NEO1: variants seen among roughly 807,000 people sequenced by gnomAD.
NEO1 encodes the protein neogenin.
A neutral mutation model predicts 159.7 loss-of-function variants in NEO1; 63 were observed. The observed-to-expected ratio is 0.39, with a 90% CI of 0.32 to 0.49. The LOEUF (loss-of-function observed/expected upper bound fraction) is 0.49, where lower values mean the gene tolerates loss of function less well. Among genes scored for constraint, NEO1 ranks in the 20% least tolerant of loss-of-function variants. NEO1 has a pLI of 0.85. For missense variants in NEO1, 1,615 were observed against 1,831.0 expected, an observed-to-expected ratio of 0.88 and a Z score of 2.15; for synonymous variants, 633 against 662.0, an observed-to-expected ratio of 0.96 and a Z score of 0.67.
intron 1 of NEO1, among the ~76,000 whole-genome samples, chr15:73,102,744 C>A (rs2070472964): frequency 6.6e-6 from 1 of 152,152 alleles, no homozygotes; most frequent in Admixed American, 6.5e-5. Flanking sequence ...TGGTCCCCAG[C>A]TTTCTTCAGA....
intron 1 of NEO1, among the ~76,000 whole-genome samples, chr15:73,094,508 T>C (rs2069887403): frequency 6.6e-6 from 1 of 152,234 alleles, no homozygotes; most frequent in Non-Finnish European, 1.5e-5. Flanking sequence ...TTTTGGCTAT[T>C]ATGAATAATG....
At chr15:73,241,020 T>C (rs1004688561) in intron 8 of NEO1, among the ~76,000 whole-genome samples, 15 of 152,202 alleles carry the variant, frequency 9.9e-5, no homozygotes, top group African/African-American at 3.4e-4. Context: ...TGTATGCCAC[T>C]ACCTGCATTT....
At chr15:73,104,000 A>G (rs2070542596) in intron 1 of NEO1, among the ~76,000 whole-genome samples, 1 of 152,070 alleles carries the variant, frequency 6.6e-6, no homozygotes, top group African/African-American at 2.4e-5. Flanking sequence ...GACTACAGGC[A>G]CATGCCACTG....
chr15:73,286,554 C>T (rs2041957181), intron 23 of NEO1, among the ~76,000 whole-genome samples: 1 of 152,218 alleles, frequency 6.6e-6, no homozygotes, highest in Non-Finnish European at 1.5e-5. Flanking sequence ...TTTTGTATTT[C>T]TGTCTCCAGC....
At position 73,199,991 on chromosome 15, in the gene NEO1, G is replaced by C. The variant is rs2036765699; in HGVS notation, c.1291+21564G>C. Among the ~76,000 whole-genome samples, 5 of 152,258 alleles carry C rather than the reference G, an allele frequency of 3.3e-5. No individual in the cohort carries two copies. The South Asian group carries it at 1.0e-3, about 32-fold the overall frequency. On this transcript the variant is annotated intron_variant, in intron 7 of 28. Transcript: ENST00000261908. ...CACCTCTTAATACTGCTACACTGAG[G>C]ATTAAGTTTCAGCATGAATTTTGGA...
intron 5 of NEO1, among the ~76,000 whole-genome samples, chr15:73,167,128 G>A (rs1185941822): frequency 7.8e-6 from 1 of 128,762 alleles, no homozygotes; most frequent in African/African-American, 2.9e-5. Context: ...CCTGTCATGG[G>A]GTGGGGGGAG....
chr15:73,089,524 T>A (rs2069558901), intron 1 of NEO1, among the ~76,000 whole-genome samples: 1 of 151,814 alleles, frequency 6.6e-6, no homozygotes, highest in Non-Finnish European at 1.5e-5. Context: ...AAATATGCAA[T>A]GCATGGAAAA....
intron 11 of NEO1, among the ~76,000 whole-genome samples, chr15:73,250,060 G>T (rs1299152337): frequency 1.3e-5 from 2 of 152,130 alleles, no homozygotes; most frequent in Non-Finnish European, 2.9e-5. Context: ...GCTTTTGGAA[G>T]ACTAGCCTTA....
chr15:73,206,601 GTTGTT>G (rs974945832), intron 7 of NEO1, among the ~76,000 whole-genome samples: 2 of 151,946 alleles, frequency 1.3e-5, no homozygotes, highest in African/African-American at 2.4e-5. Flanking sequence ...TGTTGTTGTT[GTTGTT>G]TTGTTTTGTT....
At chr15:73,252,673 A>G (rs1179065704) in intron 11 of NEO1, among the ~76,000 whole-genome samples, 1 of 151,984 alleles carries the variant, frequency 6.6e-6, no homozygotes, top group African/African-American at 2.4e-5. Context: ...TTCCAGAAAA[A>G]CCTATGGTTG....
chr15:73,266,377 C>T lies in NEO1; in HGVS notation c.2460C>T (p.Pro820=). 6.2e-7 allele frequency: 1 copy of T among 1,613,614 alleles called. No individual in the cohort carries two copies. The highest frequency in any genetic ancestry group is 8.5e-7 in the Non-Finnish European group (1 of 1,179,762). The change falls in exon 16 of 29, where the codon CCC becomes CCT. Residue 820 remains proline, a synonymous_variant. Transcript: ENST00000261908. ...KAFNNVGEGI[P]LYESAVTRPH... ...TTAATAACGTGGGTGAAGGCATCCCCCTGTATGAGAGTGCTGTGACCAGGC... is the reference window on the plus strand; with the variant it reads ...TTAATAACGTGGGTGAAGGCATCCCTCTGTATGAGAGTGCTGTGACCAGGC...
At position 73,148,851 on chromosome 15, in the gene NEO1, C is replaced by CT. The variant is rs200712761; in HGVS notation, c.1015+12826dup. On this transcript the variant is annotated intron_variant, in intron 5 of 28. Transcript: ENST00000261908. ...TGAAATCATATCAGTGGTTTTCAAA[C>CT]TTGTTTTTTTTTTTTTGGCCAGGGA... is the stretch of plus-strand genomic sequence containing the variant. Among the ~76,000 whole-genome samples, 44 of 147,212 alleles carry CT rather than the reference C, an allele frequency of 3.0e-4. 1 individual carries two copies. Among genetic ancestry groups the CT allele is most frequent in the Middle Eastern group, 3.5e-3 (1 of 286 alleles).
chr15:73,115,052 CT>C (rs990657591), intron 1 of NEO1, among the ~76,000 whole-genome samples: 28 of 146,934 alleles, frequency 1.9e-4, no homozygotes, highest in South Asian at 2.1e-4. Flanking sequence ...ACCTGAAACA[CT>C]TTTTTTTTTT....
chr15:73,269,873 A>T, intron 16 of NEO1, 137 bp from the exon 17 acceptor site: 1 of 711,498 alleles, frequency 1.4e-6, no homozygotes, highest in East Asian at 2.5e-5. Flanking sequence ...AATGGTGGTT[A>T]TCTATTAACT....
At chr15:73,236,264 C>T (rs771587424) in intron 7 of NEO1, 83 bp from the exon 8 acceptor site, 1 of 1,596,196 alleles carries the variant, frequency 6.3e-7, no homozygotes, top group Non-Finnish European at 8.6e-7. Context: ...CCTTCATATT[C>T]CCCAATGTTT....
chr15:73,254,941 G>T, intron 13 of NEO1, 112 bp downstream of exon 13: 1 of 1,229,482 alleles, frequency 8.1e-7, no homozygotes. Flanking sequence ...AATTTAAAAT[G>T]GTTCAGAAAA....
chr15:73,101,581 GAAATGGTCTACAGGCTGTA>G (rs2151511253), intron 1 of NEO1, among the ~76,000 whole-genome samples: 1 of 152,308 alleles, frequency 6.6e-6, no homozygotes, highest in African/African-American at 2.4e-5. Context: ...CTGAGGCCTG[GAAATGGTCTACAGGCTGTA>G]AAATGGTATC....
At chr15:73,164,374 C>G (rs1226947179) in intron 5 of NEO1, among the ~76,000 whole-genome samples, 1 of 151,998 alleles carries the variant, frequency 6.6e-6, no homozygotes, top group African/African-American at 2.4e-5. Context: ...CCACCACACT[C>G]AGGTAATTTT....
At chr15:73,082,532 G>A (rs1171166219) in intron 1 of NEO1, among the ~76,000 whole-genome samples, 5 of 151,724 alleles carry the variant, frequency 3.3e-5, no homozygotes, top group Non-Finnish European at 7.4e-5. Flanking sequence ...GTAATATGAA[G>A]TTCACAGAAC....
Sources: gnomAD v4.1 joint callset for allele counts (sites outside exome capture counted in the v4.1 genomes callset) on GRCh38, gnomAD v4.1.1 for gene constraint, MANE v1.5 for transcripts, NCBI Gene and HGNC (gene_info 2026-07-23, HGNC 2026-07-21) for gene names.